The following HSP90AA1 variants were observed in gnomAD, a reference collection of about 807,000 sequenced individuals.
HSP90AA1 encodes the protein heat shock protein HSP 90-alpha.
A neutral mutation model predicts 73.3 loss-of-function variants in HSP90AA1; 18 were observed. That is an observed-to-expected ratio of 0.25 (90% CI 0.17 to 0.36). HSP90AA1 has a LOEUF of 0.36. HSP90AA1 is among the 10% of genes least tolerant of loss of function. HSP90AA1 has a pLI of 1.00. For synonymous variants in HSP90AA1, 477 were observed against 296.9 expected, an observed-to-expected ratio of 1.61 and a Z score of -6.24; for missense variants, 704 against 874.2, an observed-to-expected ratio of 0.81 and a Z score of 2.45.
intron 6 of HSP90AA1, 182 bp from the exon 7 acceptor site, chr14:102,084,165 G>A (rs1198405980): frequency 8.6e-6 from 6 of 694,408 alleles, no homozygotes; most frequent in Middle Eastern, 2.9e-4. Flanking sequence ...TGCCTCCCGG[G>A]GGGGTTCAAG....
Position 102,081,517 on chromosome 14 carries a change from C to T in HSP90AA1, c.*195G>A, listed in dbSNP as rs762176778. 4.5e-5 allele frequency: 27 copies of T among 604,754 alleles called. No individual in the cohort carries two copies. The highest frequency in any genetic ancestry group is 7.6e-5 in the Non-Finnish European group (26 of 340,972). The allele number at this position is 604,754 out of a possible 1,614,324, so 37.5% of individuals were successfully genotyped here. On this transcript the variant is annotated 3_prime_UTR_variant, in exon 11 of 11. Coordinates refer to ENST00000216281, the MANE Select transcript of HSP90AA1 (RefSeq NM_005348.4). ...ATAAACCAACATGAAACTCAAAAAGCATTACTAGCTCTGCTTTAGTGCCTA... is the reference window on the plus strand; with the variant it reads ...ATAAACCAACATGAAACTCAAAAAGTATTACTAGCTCTGCTTTAGTGCCTA...
chr14:102,087,094 C>T, upstream of HSP90AA1: 1 of 984,832 alleles, frequency 1.0e-6, no homozygotes, highest in Admixed American at 6.1e-5. Flanking sequence ...CCGCCCAGCG[C>T]GCGGCGCTTT....
chr14:102,134,891 T>A (rs1190678866), intron 1 of HSP90AA1, among the ~76,000 whole-genome samples: 1 of 152,188 alleles, frequency 6.6e-6, no homozygotes, highest in African/African-American at 2.4e-5. Context: ...CCCACCCACA[T>A]CCTGCTGATT....
intron 1 of HSP90AA1, chr14:102,102,164 G>T: frequency 2.5e-6 from 3 of 1,207,402 alleles, no homozygotes; most frequent in African/African-American, 1.5e-5. Context: ...AACTTGGACA[G>T]CCCCAAGCAG....
In HSP90AA1 at chr14:102,127,281, T is replaced by C. The variant is rs570392463; in HGVS notation, c.155+11969A>G. On this transcript the variant is annotated intron_variant, in intron 1 of 11. Coordinates refer to the HSP90AA1 transcript ENST00000334701. ...AACCCACAATGCTCATTAAGCTGCTTGGATAAGCTGTTGTTTTACTTCTTA... is the reference window on the plus strand; with the variant it reads ...AACCCACAATGCTCATTAAGCTGCTCGGATAAGCTGTTGTTTTACTTCTTA... Among the ~76,000 whole-genome samples the C allele has an allele frequency of 2.6e-5, 4 of 152,270 alleles. No homozygotes were observed. In the East Asian group the frequency reaches 7.7e-4, roughly 29 times the overall value.
At chr14:102,085,061 C>G in intron 4 of HSP90AA1, 63 bp from the exon 5 acceptor site, 1 of 1,612,056 alleles carries the variant, frequency 6.2e-7, no homozygotes, top group Non-Finnish European at 8.5e-7. Context: ...CAGCGCTGCA[C>G]CACTATTTTC....
At chr14:102,082,716 G>GT in intron 9 of HSP90AA1, 1 of 513,168 alleles carries the variant, frequency 1.9e-6, no homozygotes, top group Non-Finnish European at 3.5e-6. Context: ...CGCCTCCTGG[G>GT]TTCAGGCGAT....
At chr14:102,139,218 T>G (rs540603236) in intron 1 of HSP90AA1, 1 of 1,613,242 alleles carries the variant, frequency 6.2e-7, no homozygotes, top group Non-Finnish European at 8.5e-7. Context: ...AAATAAAACA[T>G]AGTGAAGCGT....
intron 2 of HSP90AA1, chr14:102,101,830 G>A: frequency 6.7e-7 from 1 of 1,497,728 alleles, no homozygotes; most frequent in South Asian, 1.1e-5. Context: ...GTTAACATTA[G>A]CTAGAAATGT....
intron 1 of HSP90AA1, among the ~76,000 whole-genome samples, chr14:102,113,364 C>A (rs1480088783): frequency 2.0e-5 from 3 of 148,384 alleles, no homozygotes; most frequent in South Asian, 4.3e-4. Flanking sequence ...CTCTTTCTTT[C>A]TTTAATTAAT....
At chr14:102,086,148 A>C (rs1479699233) in intron 2 of HSP90AA1, 24 bp from the exon 3 acceptor site, 1 of 1,614,106 alleles carries the variant, frequency 6.2e-7, no homozygotes, top group Non-Finnish European at 8.5e-7. Flanking sequence ...ATATTAATTT[A>C]AGCATACAGC....
At chr14:102,139,689 G>A (rs1209052256), upstream of HSP90AA1, 5 of 675,940 alleles carry the variant, frequency 7.4e-6, no homozygotes, top group South Asian at 2.0e-5. Context: ...CCACACCCGG[G>A]GGAGGAGCCT....
At chr14:102,121,945 G>A (rs1595677528) in intron 1 of HSP90AA1, among the ~76,000 whole-genome samples, 1 of 152,156 alleles carries the variant, frequency 6.6e-6, no homozygotes, top group African/African-American at 2.4e-5. Flanking sequence ...TTCATATGGT[G>A]TCTTGTGCCA....
At chr14:102,139,457 G>A in exon 1 of HSP90AA1, 2 of 1,483,996 alleles carry the variant, frequency 1.3e-6, no homozygotes, top group Non-Finnish European at 1.8e-6. Context: ...GTGGCCGTCG[G>A]GGTGGCGCTC....
chr14:102,124,105 T>A (rs2049812390), intron 1 of HSP90AA1, among the ~76,000 whole-genome samples: 1 of 152,070 alleles, frequency 6.6e-6, no homozygotes, highest in Non-Finnish European at 1.5e-5. Context: ...TTTGTTATTG[T>A]GAATGTGACA....
In HSP90AA1 at chr14:102,096,676, T is replaced by C. The variant is rs575277753; in HGVS notation, c.366+5199A>G. On this transcript the variant is annotated intron_variant, in intron 2 of 11. Transcript: ENST00000334701. ...GCAGCACATGGCACACAGCCATCTA[T>C]GTGTGCTGAATGGATAACTGAATTG... 3.6e-3 allele frequency among the ~76,000 whole-genome samples: 548 copies of C among 152,324 alleles called. 1 individual carries two copies. Among genetic ancestry groups the C allele is most frequent in the Non-Finnish European group, 4.1e-3 (282 of 68,024 alleles).
chr14:102,106,771 T>C (rs1374393718), intron 1 of HSP90AA1, among the ~76,000 whole-genome samples: 2 of 152,026 alleles, frequency 1.3e-5, no homozygotes, highest in African/African-American at 4.8e-5. Context: ...CTTGAACTCC[T>C]GACCTCAGGT....
Position 102,082,433 on chromosome 14 carries a change from T to C in HSP90AA1, c.1767A>G (p.Ser589=). The C allele has an allele frequency of 6.2e-7, 1 of 1,611,826 alleles. No individual in the cohort carries two copies. The highest frequency in any genetic ancestry group is 8.5e-7 in the Non-Finnish European group (1 of 1,179,616). The change falls in exon 10 of 11, where the codon TCA becomes TCG. Residue 589 remains serine (S), a synonymous_variant. Transcript: ENST00000216281. ...AGCATGGAGATGTCACCAATCGGTT[T>C]GACACAACCACCTGTAATCAAAAAG... ...LEKKVEKVVV[S]NRLVTSPCCI... is the part of the protein sequence containing the mutation.
At chr14:102,083,438 C>T (rs1035009185) in intron 8 of HSP90AA1, 108 bp downstream of exon 8, 3 of 1,415,282 alleles carry the variant, frequency 2.1e-6, no homozygotes, top group Admixed American at 1.7e-5. Flanking sequence ...AATTATCTTG[C>T]CTAGATCAAT....
Sources: gnomAD v4.1 joint callset for allele counts (sites outside exome capture counted in the v4.1 genomes callset) on GRCh38, gnomAD v4.1.1 for gene constraint, MANE v1.5 for transcripts, NCBI Gene and HGNC (gene_info 2026-07-23, HGNC 2026-07-21) for gene names.